The following UBE2U variants were observed in gnomAD, a reference collection of about 807,000 sequenced individuals.
UBE2U encodes ubiquitin conjugating enzyme E2 U.
Under a neutral mutation model 41.2 loss-of-function variants are expected in UBE2U, and 39 were observed. That is an observed-to-expected ratio of 0.95 (90% CI 0.73 to 1.24). UBE2U has a LOEUF of 1.24. UBE2U is among the 50% of genes most tolerant of loss of function. UBE2U has a pLI of 0.00. For synonymous variants in UBE2U, 107 were observed against 117.8 expected (o/e 0.91, Z 0.60); for missense variants, 336 against 363.1 (o/e 0.93, Z 0.61).
chr1:64,261,905 A>G (rs1351052090), intron 9 of UBE2U, among the ~76,000 whole-genome samples: 1 of 152,204 alleles, frequency 6.6e-6, no homozygotes, highest in African/African-American at 2.4e-5. Flanking sequence ...TGTTTTTACC[A>G]GGTCTAAAAT....
chr1:64,243,973 G>A (rs1294308755), intron 8 of UBE2U, among the ~76,000 whole-genome samples: 1 of 152,132 alleles, frequency 6.6e-6, no homozygotes, highest in Non-Finnish European at 1.5e-5. Context: ...TTAAGTGGCA[G>A]TAATAAGTGT....
At chr1:64,251,128 A>G (rs1645004586) in intron 8 of UBE2U, among the ~76,000 whole-genome samples, 1 of 151,518 alleles carries the variant, frequency 6.6e-6, no homozygotes, top group South Asian at 2.1e-4. Flanking sequence ...AAAACTACAG[A>G]TAAATATGCC....
At chr1:64,260,873 C>T (rs962090904) in intron 9 of UBE2U, among the ~76,000 whole-genome samples, 179 bp downstream of exon 9, 3 of 152,048 alleles carry the variant, frequency 2.0e-5, no homozygotes, top group Admixed American at 2.0e-4. Flanking sequence ...GTAAATTAGT[C>T]ACATAGGAAT....
intron 8 of UBE2U, among the ~76,000 whole-genome samples, chr1:64,260,051 A>C (rs1463324356): frequency 3.3e-5 from 5 of 151,976 alleles, no homozygotes; most frequent in Admixed American, 3.3e-4. Context: ...CCCACACGGA[A>C]AAGGTCATGT....
intron 8 of UBE2U, among the ~76,000 whole-genome samples, chr1:64,249,179 C>G (rs906530686): frequency 6.6e-6 from 1 of 151,856 alleles, no homozygotes; most frequent in African/African-American, 2.4e-5. Context: ...GAGTTTGAAA[C>G]CAGCCTGGCC....
At position 64,205,638 on chromosome 1, in the gene UBE2U, G is replaced by A; in HGVS notation, c.67-1G>A. ...GATTTAATTTTGTTTTTAACTTCAA[G>A]GGTATCACTGCTAAGCCTGTAAGTG... On this transcript the variant is annotated splice_acceptor_variant, in intron 1 of 9. Transcript: ENST00000371077. LOFTEE classifies it high-confidence loss of function. 1.2e-6 allele frequency: 2 copies of A among 1,607,168 alleles called. No individual in the cohort carries two copies. Among genetic ancestry groups the A allele is most frequent in the Non-Finnish European group, 1.7e-6 (2 of 1,177,420 alleles).
chr1:64,211,543 G>A (rs1009553197), intron 4 of UBE2U, among the ~76,000 whole-genome samples: 10 of 151,802 alleles, frequency 6.6e-5, no homozygotes, highest in Admixed American at 3.9e-4. Context: ...GGGCTCAAGT[G>A]ATCCTCCCAC....
chr1:64,258,879 T>A (rs1390890180), intron 8 of UBE2U, among the ~76,000 whole-genome samples: 3 of 152,208 alleles, frequency 2.0e-5, no homozygotes, highest in Non-Finnish European at 4.4e-5. Context: ...TAGTTCTAGA[T>A]CCTTGAGGAA....
chr1:64,249,307 G>A (rs569238842), intron 8 of UBE2U, among the ~76,000 whole-genome samples: 8 of 151,316 alleles, frequency 5.3e-5, no homozygotes, highest in African/African-American at 1.7e-4. Flanking sequence ...GAACCTGGGA[G>A]GCGGAGGTTG....
chr1:64,237,721 G>T (rs1644696067), intron 7 of UBE2U, among the ~76,000 whole-genome samples: 1 of 152,130 alleles, frequency 6.6e-6, no homozygotes, highest in Non-Finnish European at 1.5e-5. Flanking sequence ...GTTAAAATTT[G>T]TACAAAGTAC....
intron 6 of UBE2U, among the ~76,000 whole-genome samples, chr1:64,226,608 G>A (rs560126527): frequency 1.7e-4 from 26 of 152,198 alleles, no homozygotes; most frequent in Admixed American, 4.6e-4. Context: ...AAGGTGGAAG[G>A]ATTGCTTGAG....
rs1651113251 is a variant in UBE2U, at chr1:64,203,721, T to C, written c.-330T>C. ...ATAGGCGTACACCTCTCACTCCCAC[T>C]CACGCGCCGACGACATGGGCTTGTC... On this transcript the variant is annotated 5_prime_UTR_variant, in exon 1 of 10. Transcript: ENST00000371077. 4.4e-6 allele frequency: 1 copy of C among 228,564 alleles called. No homozygotes were observed. The highest frequency in any genetic ancestry group is 8.5e-6 in the Non-Finnish European group (1 of 117,844). The allele number at this position is 228,564 out of a possible 1,614,324, so 14.2% of individuals were successfully genotyped here. A position where few individuals can be genotyped will look rare whatever the true frequency, so the allele number is the denominator to read the frequency against.
intron 8 of UBE2U, among the ~76,000 whole-genome samples, chr1:64,258,604 G>A (rs1313230586): frequency 6.6e-6 from 1 of 152,040 alleles, no homozygotes; most frequent in Non-Finnish European, 1.5e-5. Flanking sequence ...AGTTTGCTCA[G>A]AATGATAGTT....
intron 5 of UBE2U, 91 bp from the exon 6 acceptor site, chr1:64,220,767 AC>A: frequency 1.1e-6 from 1 of 944,046 alleles, no homozygotes; most frequent in Non-Finnish European, 1.7e-6. Context: ...TTCCTTTATT[AC>A]CATTTTATTG....
At chr1:64,210,287 TC>T (rs1258029750) in intron 3 of UBE2U, among the ~76,000 whole-genome samples, 7 of 152,242 alleles carry the variant, frequency 4.6e-5, no homozygotes, top group African/African-American at 1.7e-4. Flanking sequence ...CTCCTGTACA[TC>T]TTTCCAACTT....
chr1:64,250,768 A>G (rs1471448129), intron 8 of UBE2U, among the ~76,000 whole-genome samples: 1 of 152,066 alleles, frequency 6.6e-6, no homozygotes, highest in African/African-American at 2.4e-5. Context: ...TTGTAGGGAC[A>G]TGGATGAAGC....
At chr1:64,238,312 G>A (rs1463257992) in intron 7 of UBE2U, among the ~76,000 whole-genome samples, 1 of 151,804 alleles carries the variant, frequency 6.6e-6, no homozygotes, top group Non-Finnish European at 1.5e-5. Context: ...GCTGAGGCAT[G>A]AGAATCACTT....
chr1:64,260,734 A>ACATATTATG, intron 9 of UBE2U, 40 bp downstream of exon 9: 15 of 1,464,462 alleles, frequency 1.0e-5, no homozygotes, highest in African/African-American at 1.4e-5. Context: ...TTTATAAATA[A>ACATATTATG]CATATTATGC....
intron 7 of UBE2U, among the ~76,000 whole-genome samples, chr1:64,239,187 GAAGAAA>G (rs1473022582): frequency 3.5e-5 from 5 of 144,658 alleles, no homozygotes; most frequent in South Asian, 4.7e-4. Flanking sequence ...AGAAGAAGAA[GAAGAAA>G]GCCCCAGACA....
Sources: allele counts gnomAD v4.1 joint callset (sites outside exome capture counted in the v4.1 genomes callset), GRCh38; gene constraint gnomAD v4.1.1; transcripts MANE v1.5; gene names NCBI Gene and HGNC (gene_info 2026-07-23, HGNC 2026-07-21).